Variants in CLYBL observed in about 807,000 individuals in gnomAD.
CLYBL encodes citramalyl-CoA lyase, mitochondrial.
A neutral mutation model predicts 38.9 loss-of-function variants in CLYBL; 31 were observed. The observed-to-expected ratio is 0.80, with a 90% CI of 0.60 to 1.08. CLYBL has a LOEUF of 1.08. Ranked by LOEUF, CLYBL falls within the 50% of genes least tolerant of loss-of-function variation. The probability of loss-of-function intolerance (pLI) is 0.00; values close to 1 mark genes in which losing one functional copy is unlikely to be tolerated. For missense variants in CLYBL, 434 were observed against 411.6 expected, an observed-to-expected ratio of 1.05 and a Z score of -0.47; for synonymous variants, 171 against 158.6, an observed-to-expected ratio of 1.08 and a Z score of -0.59.
At chr13:99,799,717 G>A (rs1283088466) in intron 2 of CLYBL, among the ~76,000 whole-genome samples, 2 of 152,142 alleles carry the variant, frequency 1.3e-5, no homozygotes, top group African/African-American at 4.8e-5. Flanking sequence ...AATCACATGG[G>A]GATCAATCAC....
At chr13:99,660,657 A>G (rs2047395932) in intron 1 of CLYBL, among the ~76,000 whole-genome samples, 1 of 152,224 alleles carries the variant, frequency 6.6e-6, no homozygotes, top group African/African-American at 2.4e-5. Context: ...AAAGGACTCA[A>G]CATATTTAAA....
intron 2 of CLYBL, among the ~76,000 whole-genome samples, chr13:99,810,377 G>T (rs909454504): frequency 1.3e-5 from 2 of 152,244 alleles, no homozygotes; most frequent in African/African-American, 4.8e-5. Context: ...AGGAGCTGAA[G>T]GATGGAGAGG....
intron 1 of CLYBL, among the ~76,000 whole-genome samples, chr13:99,692,299 T>C (rs1033070758): frequency 2.6e-5 from 4 of 151,064 alleles, no homozygotes; most frequent in Non-Finnish European, 5.9e-5. Flanking sequence ...TTTTTTTTTT[T>C]GTTTGTTTTT....
chr13:99,654,922 T>C (rs1341914103), intron 1 of CLYBL, among the ~76,000 whole-genome samples: 1 of 151,850 alleles, frequency 6.6e-6, no homozygotes, highest in South Asian at 2.1e-4. Context: ...GGAGAATTGC[T>C]TGAACCCGGG....
chr13:99,691,996 A>G (rs1594122303), intron 1 of CLYBL, among the ~76,000 whole-genome samples: 1 of 152,208 alleles, frequency 6.6e-6, no homozygotes, highest in African/African-American at 2.4e-5. Context: ...TGCCTAAGTA[A>G]TAACAGTTTC....
chr13:99,791,893 A>G (rs1016828392), intron 2 of CLYBL, among the ~76,000 whole-genome samples: 1 of 151,942 alleles, frequency 6.6e-6, no homozygotes, highest in African/African-American at 2.4e-5. Flanking sequence ...TGGGACAGAT[A>G]GGTTTTCTCT....
intron 1 of CLYBL, among the ~76,000 whole-genome samples, chr13:99,620,661 CA>C (rs1483482856): frequency 6.6e-6 from 1 of 152,118 alleles, no homozygotes; most frequent in African/African-American, 2.4e-5. Flanking sequence ...CCTCTAATCT[CA>C]GCTACTCAGG....
chr13:99,722,699 C>T (rs1240120929), intron 1 of CLYBL, among the ~76,000 whole-genome samples: 1 of 152,306 alleles, frequency 6.6e-6, no homozygotes, highest in East Asian at 1.9e-4. Flanking sequence ...TGAGGTTATA[C>T]GTAGAGAGTT....
chr13:99,658,697 C>G (rs2047366575), intron 1 of CLYBL, among the ~76,000 whole-genome samples: 1 of 151,780 alleles, frequency 6.6e-6, no homozygotes. Flanking sequence ...TTTCGGCAGC[C>G]GGGTTTATCC....
chr13:99,831,704 G>C (rs2050806792), intron 2 of CLYBL, among the ~76,000 whole-genome samples: 1 of 150,150 alleles, frequency 6.7e-6, no homozygotes, highest in Non-Finnish European at 1.5e-5. Context: ...CTTCTTGAGT[G>C]AACCACCATT....
In CLYBL at chr13:99,771,020, CT is replaced by C. The variant is rs546998940; in HGVS notation, c.63-1773del. Among the ~76,000 whole-genome samples the C allele has an allele frequency of 6.2e-3, 743 of 119,744 alleles. 2 individuals carry two copies. Among genetic ancestry groups the C allele is most frequent in the African/African-American group, 0.025 (673 of 27,250 alleles). 78.6% of individuals were successfully genotyped at this position (119,744 alleles called of 152,430 possible). A position where few individuals can be genotyped will look rare whatever the true frequency, so the allele number is the denominator to read the frequency against. ...CAGGCGTAAGCCACCACGCGGGGCC[CT>C]TTTTTTTTTTTTTTTTTTTTTTTTT... On this transcript the variant is annotated intron_variant, in intron 1 of 8. Transcript: ENST00000339105.
chr13:99,674,732 T>G (rs1028448340), intron 1 of CLYBL, among the ~76,000 whole-genome samples: 1 of 151,986 alleles, frequency 6.6e-6, no homozygotes. Flanking sequence ...GCAAAGGAGA[T>G]GGAGAAGTCA....
chr13:99,820,833 T>C (rs1007480828), intron 2 of CLYBL, among the ~76,000 whole-genome samples: 2 of 152,192 alleles, frequency 1.3e-5, no homozygotes, highest in African/African-American at 2.4e-5. Context: ...GTGTGCATTA[T>C]CGTGAGCGTC....
chr13:99,719,853 A>G (rs1363721896), intron 1 of CLYBL, among the ~76,000 whole-genome samples: 1 of 152,004 alleles, frequency 6.6e-6, no homozygotes, highest in African/African-American at 2.4e-5. Flanking sequence ...TTTTACTTTC[A>G]ACCATTCTGT....
chr13:99,861,834 T>C (rs912143841), intron 3 of CLYBL, among the ~76,000 whole-genome samples: 7 of 152,166 alleles, frequency 4.6e-5, no homozygotes, highest in Admixed American at 4.6e-4. Flanking sequence ...GAAGGGGAAA[T>C]AACACCTCTA....
intron 1 of CLYBL, among the ~76,000 whole-genome samples, chr13:99,661,670 A>T (rs1213601796): frequency 6.6e-6 from 1 of 152,104 alleles, no homozygotes; most frequent in East Asian, 1.9e-4. Context: ...ACGGAAATAG[A>T]TTTCCTTTTT....
At chr13:99,703,570 C>T (rs557717761) in intron 1 of CLYBL, among the ~76,000 whole-genome samples, 15 of 152,194 alleles carry the variant, frequency 9.9e-5, no homozygotes, top group African/African-American at 2.9e-4. Context: ...GGTATTTCAC[C>T]GTGTTAGCCA....
At chr13:99,657,143 C>T (rs974461150) in intron 1 of CLYBL, among the ~76,000 whole-genome samples, 19 of 152,212 alleles carry the variant, frequency 1.2e-4, no homozygotes, top group African/African-American at 4.6e-4. Context: ...GTGCTCCGAG[C>T]CCCACTGTTA....
chr13:99,812,328 A>G lies in CLYBL; in HGVS notation c.249+39318A>G, dbSNP rs1232748451. ...AACAAGAAATCCCAGAGAAGACTCA[A>G]TAGAACCCTTTGCACTATAAATATT... On this transcript the variant is annotated intron_variant, in intron 2 of 8. Transcript: ENST00000339105. 3.3e-5 allele frequency among the ~76,000 whole-genome samples: 5 copies of G among 152,374 alleles called. No individual in the cohort carries two copies. The East Asian group carries it at 7.7e-4, about 23-fold the overall frequency.
Sources: allele counts gnomAD v4.1 joint callset (sites outside exome capture counted in the v4.1 genomes callset), GRCh38; gene constraint gnomAD v4.1.1; transcripts MANE v1.5; gene names NCBI Gene and HGNC (gene_info 2026-07-23, HGNC 2026-07-21).